PCDHA8: variants seen among roughly 807,000 people sequenced by gnomAD.
PCDHA8 encodes protocadherin alpha-8.
Under a neutral mutation model 61.8 loss-of-function variants are expected in PCDHA8, and 53 were observed. The observed-to-expected ratio is 0.86, with a 90% CI of 0.69 to 1.08. The LOEUF is 1.08. PCDHA8 is among the 50% of genes least tolerant of loss of function. The pLI is 0.00. For synonymous variants in PCDHA8, 618 were observed against 556.6 expected (o/e 1.11, Z -1.55); for missense variants, 1,293 against 1,245.0 (o/e 1.04, Z -0.58).
rs782517492 is a variant in PCDHA8, at chr5:140,857,455, A to G, written c.2394+13740A>G. The G allele has an allele frequency of 3.4e-5, 54 of 1,598,538 alleles. 6 individuals carry two copies. Among genetic ancestry groups the G allele is most frequent in the Admixed American group, 1.0e-4 (6 of 59,344 alleles). On this transcript the variant is annotated intron_variant, in intron 1 of 3. Transcript: ENST00000531613. ...TGTTCGTGAAGGAGAACAACCCGCC[A>G]GGCTGCCACATCTTCACGGTGTCTG...
chr5:140,858,350 A>C (rs1160044351), intron 1 of PCDHA8: 1 of 1,594,392 alleles, frequency 6.3e-7, no homozygotes, highest in East Asian at 2.2e-5. Context: ...GGCGGACCTC[A>C]TGGCCTTCAG....
At chr5:140,922,210 A>AAC (rs2080722350) in intron 1 of PCDHA8, among the ~76,000 whole-genome samples, 2 of 152,232 alleles carry the variant, frequency 1.3e-5, no homozygotes, top group Admixed American at 1.3e-4. Context: ...GAAACTTTGT[A>AAC]AAACATTTGA....
intron 1 of PCDHA8, among the ~76,000 whole-genome samples, chr5:140,953,973 C>T (rs958351959): frequency 6.6e-5 from 10 of 152,036 alleles, no homozygotes; most frequent in Non-Finnish European, 1.3e-4. Context: ...GTGTGTTGTT[C>T]CCCTTCATAT....
intron 1 of PCDHA8, among the ~76,000 whole-genome samples, chr5:140,905,308 T>C (rs1194215404): frequency 1.3e-5 from 2 of 152,120 alleles, no homozygotes; most frequent in African/African-American, 4.8e-5. Flanking sequence ...TTTCCACACT[T>C]TGTGTTTGTA....
At position 141,010,044 on chromosome 5, in the gene PCDHA8, G is replaced by C; in HGVS notation, c.*107G>C. Reference sequence around the variant, plus strand: ...TTTCCTATCTACATGAGCCCTCTTAGAGACCTCAGAAATCTGCAGAAAGTT... The same window carrying C: ...TTTCCTATCTACATGAGCCCTCTTACAGACCTCAGAAATCTGCAGAAAGTT... On this transcript the variant is annotated 3_prime_UTR_variant, in exon 4 of 4. Coordinates refer to ENST00000531613, the MANE Select transcript of PCDHA8 (RefSeq NM_018911.3). 1.3e-6 allele frequency: 2 copies of C among 1,594,604 alleles called. No individual in the cohort carries two copies. Among genetic ancestry groups the C allele is most frequent in the Non-Finnish European group, 1.7e-6 (2 of 1,171,226 alleles).
intron 1 of PCDHA8, among the ~76,000 whole-genome samples, chr5:140,909,682 A>G (rs1172515528): frequency 1.3e-5 from 2 of 152,132 alleles, no homozygotes; most frequent in Non-Finnish European, 2.9e-5. Flanking sequence ...CAGGGAGCCA[A>G]TGTGGGGGTT....
intron 1 of PCDHA8, among the ~76,000 whole-genome samples, chr5:140,919,556 A>G (rs980403400): frequency 5.9e-5 from 9 of 152,186 alleles, no homozygotes; most frequent in African/African-American, 2.2e-4. Context: ...ACTGATTTAT[A>G]TTAAGTGAAT....
intron 1 of PCDHA8, among the ~76,000 whole-genome samples, chr5:140,971,716 A>G (rs1554233565): frequency 1.3e-5 from 2 of 152,026 alleles, no homozygotes; most frequent in African/African-American, 4.8e-5. Context: ...ATATAGATAT[A>G]TGTATATCAT....
At position 140,841,320 on chromosome 5, in the gene PCDHA8, A is replaced by C. The variant is rs2150313499; in HGVS notation, c.-2A>C. ...TTTTCTGATAGGAAACGACTATTTA[A>C]CATGGATTATCACTGGCGAGGAGAG... On this transcript the variant is annotated 5_prime_UTR_variant, in exon 1 of 4. Transcript: ENST00000531613. 1 of 1,602,072 alleles carries C rather than the reference A, an allele frequency of 6.2e-7. No individual in the cohort carries two copies. Among genetic ancestry groups the C allele is most frequent in the Non-Finnish European group, 8.5e-7 (1 of 1,174,050 alleles).
At chr5:140,884,794 A>G in intron 1 of PCDHA8, 1 of 1,280,100 alleles carries the variant, frequency 7.8e-7, no homozygotes, top group East Asian at 2.6e-5. Flanking sequence ...TTGTTATCGA[A>G]TTTAACAACT....
At chr5:140,929,557 A>AT (rs2086230665) in intron 1 of PCDHA8, 1 of 478,260 alleles carries the variant, frequency 2.1e-6, no homozygotes, top group Non-Finnish European at 3.6e-6. Flanking sequence ...ATTAAAACCT[A>AT]TTTAAGAACA....
At chr5:141,007,258 A>G (rs1160413471) in intron 3 of PCDHA8, among the ~76,000 whole-genome samples, 1 of 152,110 alleles carries the variant, frequency 6.6e-6, no homozygotes, top group Non-Finnish European at 1.5e-5. Flanking sequence ...AGTTAAAAGA[A>G]GCAGATACAG....
intron 1 of PCDHA8, among the ~76,000 whole-genome samples, chr5:140,878,696 A>G (rs570754583): frequency 6.6e-6 from 1 of 152,360 alleles, no homozygotes; most frequent in East Asian, 1.9e-4. Context: ...TACATACCCC[A>G]GCCTGGTAGT....
At chr5:140,863,232 G>C in intron 1 of PCDHA8, 1 of 1,230,740 alleles carries the variant, frequency 8.1e-7, no homozygotes, top group Non-Finnish European at 1.1e-6. Context: ...AGGTCCCATC[G>C]CGGGCTTTGG....
chr5:140,967,707 C>G, intron 1 of PCDHA8: 1 of 1,614,158 alleles, frequency 6.2e-7, no homozygotes, highest in Non-Finnish European at 8.5e-7. Flanking sequence ...GATGCCAGTA[C>G]CGGGGAAGTG....
chr5:140,849,744 A>G lies in PCDHA8; in HGVS notation c.2394+6029A>G, dbSNP rs2150447733. On this transcript the variant is annotated intron_variant, in intron 1 of 3. Coordinates refer to ENST00000531613, the MANE Select transcript of PCDHA8 (RefSeq NM_018911.3). ...GCTGGACAGAGCTCTGGACCGCGAG[A>G]GTGTGTCCGCCTACGAGCTGGTGGT... The G allele has an allele frequency of 1.1e-5, 18 of 1,598,098 alleles. No homozygotes were observed. In the South Asian group the frequency reaches 1.4e-4, roughly 13 times the overall value.
chr5:141,010,312 G>C lies in PCDHA8; in HGVS notation c.*375G>C. On this transcript the variant is annotated 3_prime_UTR_variant, in exon 4 of 4. Transcript: ENST00000531613. ...TGCAGGGCAGGCTGAAAAGTTTTGA[G>C]ATTGAGCAGCTTGGGAGTTTGTGGC... is the stretch of plus-strand genomic sequence containing the variant. 1 of 1,547,400 alleles carries C rather than the reference G, an allele frequency of 6.5e-7. No individual in the cohort carries two copies. The highest frequency in any genetic ancestry group is 8.7e-7 in the Non-Finnish European group (1 of 1,145,752).
At chr5:140,900,954 A>T (rs942765998) in intron 1 of PCDHA8, among the ~76,000 whole-genome samples, 3 of 152,204 alleles carry the variant, frequency 2.0e-5, no homozygotes, top group Non-Finnish European at 2.9e-5. Context: ...TTCTCTGATT[A>T]TCAGTGATGT....
rs1777423806 is a variant in PCDHA8 at position 140,841,697 on chromosome 5, G to A, written c.376G>A (p.Val126Ile). The change falls in exon 1 of 4, where the codon GTT (valine) becomes ATT (isoleucine). Residue 126 changes from valine (V) to isoleucine (I), a missense_variant. Physicochemically the swap from Val to Ile is conservative, Grantham distance 29. Coordinates refer to ENST00000531613, the MANE Select transcript of PCDHA8 (RefSeq NM_018911.3). ...VFHVDVEVKD[V>I]NDNPPVFRVK... ...CCATGTGGACGTGGAGGTGAAGGATGTTAATGACAACCCGCCAGTGTTCCG... is the reference window on the plus strand; with the variant it reads ...CCATGTGGACGTGGAGGTGAAGGATATTAATGACAACCCGCCAGTGTTCCG... 4 of 1,613,882 alleles carry A rather than the reference G, an allele frequency of 2.5e-6. No individual in the cohort carries two copies. Among genetic ancestry groups the A allele is most frequent in the African/African-American group, 1.3e-5 (1 of 74,974 alleles).
Sources: allele counts gnomAD v4.1 joint callset (sites outside exome capture counted in the v4.1 genomes callset), GRCh38; gene constraint gnomAD v4.1.1; transcripts MANE v1.5; gene names NCBI Gene and HGNC (gene_info 2026-07-23, HGNC 2026-07-21).